The following CDH2 variants were observed in gnomAD, a reference collection of about 807,000 sequenced individuals.
CDH2 encodes the protein cadherin-2.
Under a neutral mutation model 92.0 loss-of-function variants are expected in CDH2, and 17 were observed. The observed-to-expected ratio is 0.18, with a 90% CI of 0.13 to 0.28. The LOEUF (loss-of-function observed/expected upper bound fraction) is 0.28, where lower values mean the gene tolerates loss of function less well. Ranked by LOEUF, CDH2 falls within the 10% of genes least tolerant of loss-of-function variation. The probability of loss-of-function intolerance (pLI) is 1.00; values close to 1 mark genes in which losing one functional copy is unlikely to be tolerated. For missense variants in CDH2, 862 were observed against 1,133.1 expected (o/e 0.76, Z 3.44); for synonymous variants, 419 against 415.9 (o/e 1.01, Z -0.09).
At chr18:28,052,348 G>C (rs2014208607) in intron 2 of CDH2, among the ~76,000 whole-genome samples, 1 of 152,060 alleles carries the variant, frequency 6.6e-6, no homozygotes, top group Admixed American at 6.6e-5. Context: ...ATTATTACTT[G>C]AATTTTAGTT....
intron 11 of CDH2, 25 bp downstream of exon 11, chr18:27,988,499 A>C: frequency 6.2e-7 from 1 of 1,603,754 alleles, no homozygotes; most frequent in African/African-American, 1.3e-5. Context: ...TTTCATCAAC[A>C]TACAAGAAAA....
chr18:28,073,357 C>A (rs191950600), intron 2 of CDH2, among the ~76,000 whole-genome samples: 4 of 152,200 alleles, frequency 2.6e-5, no homozygotes, highest in Admixed American at 2.6e-4. Context: ...GGTTCAAGTT[C>A]TAATGACATT....
At chr18:28,091,014 C>A (rs1008459094) in intron 2 of CDH2, among the ~76,000 whole-genome samples, 1 of 152,290 alleles carries the variant, frequency 6.6e-6, no homozygotes, top group Non-Finnish European at 1.5e-5. Context: ...GTCCTCCGGG[C>A]AGTTTACATT....
intron 2 of CDH2, among the ~76,000 whole-genome samples, chr18:28,125,233 T>C (rs879429337): frequency 3.9e-5 from 6 of 152,152 alleles, no homozygotes; most frequent in African/African-American, 7.2e-5. Flanking sequence ...AATTGAACCA[T>C]TGTAAGCCGG....
At chr18:28,170,257 A>C (rs919803920) in intron 1 of CDH2, among the ~76,000 whole-genome samples, 13 of 152,174 alleles carry the variant, frequency 8.5e-5, no homozygotes, top group African/African-American at 3.1e-4. Flanking sequence ...TATATTTCTC[A>C]GTTATAGCTT....
At chr18:27,965,116 A>C (rs936133192) in intron 14 of CDH2, among the ~76,000 whole-genome samples, 1 of 152,220 alleles carries the variant, frequency 6.6e-6, no homozygotes, top group Non-Finnish European at 1.5e-5. Flanking sequence ...AAACAGGTTG[A>C]GTAACTTGCC....
chr18:27,974,252 G>C (rs1340991482), intron 14 of CDH2, among the ~76,000 whole-genome samples: 1 of 152,094 alleles, frequency 6.6e-6, no homozygotes, highest in African/African-American at 2.4e-5. Context: ...TATCTATGAA[G>C]AATGGGCTGA....
At chr18:28,126,617 T>C (rs2015681376) in intron 2 of CDH2, among the ~76,000 whole-genome samples, 1 of 152,156 alleles carries the variant, frequency 6.6e-6, no homozygotes, top group African/African-American at 2.4e-5. Context: ...TAATCTCTCA[T>C]CTACAAATAA....
Position 28,156,664 on chromosome 18 carries a change from A to AATGTCACCTTCCCAGGTATAGC in CDH2, c.61-8881_61-8880insGCTATACCTGGGAAGGTGACAT, listed in dbSNP as rs1555647422. Among the ~76,000 whole-genome samples, 9 of 12,008 alleles carry AATGTCACCTTCCCAGGTATAGC rather than the reference A, an allele frequency of 7.5e-4. 1 individual carries two copies. The highest frequency in any genetic ancestry group is 0.071 in the Middle Eastern group (1 of 14). The allele number at this position is 12,008 out of a possible 152,430, so 7.9% of individuals were successfully genotyped here. A position where few individuals can be genotyped will look rare whatever the true frequency, so the allele number is the denominator to read the frequency against. The stretch of plus-strand genomic sequence containing the variant: ...CAGCATGTCACCTTCCCAGGTGCAG[A>AATGTCACCTTCCCAGGTATAGC]ATGTCACCTTCCCAGGTACAGCATG... On this transcript the variant is annotated intron_variant, in intron 1 of 15. Coordinates refer to ENST00000269141, the MANE Select transcript of CDH2 (RefSeq NM_001792.5).
chr18:27,966,386 C>T (rs553140586), intron 14 of CDH2, among the ~76,000 whole-genome samples: 4 of 152,230 alleles, frequency 2.6e-5, no homozygotes, highest in South Asian at 2.1e-4. Flanking sequence ...AGAGGAATTT[C>T]GTTCATATAA....
rs1384386097 is a variant in CDH2, at chr18:28,148,475, TCA to T, written c.61-693_61-692del. On this transcript the variant is annotated intron_variant, in intron 1 of 15. Transcript: ENST00000269141. ...TTAATTTACTCAGTGTGCTTAAAAC[TCA>T]GTCATACCTACTACTGTCTAGCTAA... is the stretch of plus-strand genomic sequence containing the variant. 8.5e-5 allele frequency among the ~76,000 whole-genome samples: 13 copies of T among 152,342 alleles called. No individual in the cohort carries two copies. In the East Asian group the frequency reaches 2.3e-3, roughly 27 times the overall value.
intron 1 of CDH2, among the ~76,000 whole-genome samples, chr18:28,176,082 C>T (rs1799697428): frequency 6.6e-6 from 1 of 152,190 alleles, no homozygotes; most frequent in African/African-American, 2.4e-5. Context: ...TGCGCCCGGA[C>T]TGGAGCAGGT....
downstream of CDH2, among the ~76,000 whole-genome samples, chr18:27,949,632 A>G (rs1909360864): frequency 6.6e-6 from 1 of 151,948 alleles, no homozygotes; most frequent in South Asian, 2.1e-4. Context: ...CATAAAAACA[A>G]AAGAAAATCA....
At chr18:28,097,091 A>G (rs2015147382) in intron 2 of CDH2, 1 of 152,196 alleles carries the variant, frequency 6.6e-6, no homozygotes, top group Non-Finnish European at 1.5e-5. Context: ...CTCTGCTTAG[A>G]GTCCCCCTGA....
intron 2 of CDH2, among the ~76,000 whole-genome samples, chr18:28,036,979 G>A (rs1346780708): frequency 2.0e-5 from 3 of 152,100 alleles, no homozygotes; most frequent in Admixed American, 2.0e-4. Flanking sequence ...AATCTGTTCA[G>A]TAAAAACATC....
rs540058260 is a variant in CDH2, at chr18:28,112,579, A to G, written c.172+35094T>C. 3.9e-5 allele frequency among the ~76,000 whole-genome samples: 6 copies of G among 152,326 alleles called. No individual in the cohort carries two copies. The South Asian group carries it at 1.2e-3, about 32-fold the overall frequency. ...GTTTTCTAAAAGAAAGTTTCTTAAA[A>G]CTACATTATAGTTCTCATGATCATC... On this transcript the variant is annotated intron_variant, in intron 2 of 15. Coordinates refer to ENST00000269141, the MANE Select transcript of CDH2 (RefSeq NM_001792.5).
chr18:28,084,317 C>T (rs1484109167), intron 2 of CDH2, among the ~76,000 whole-genome samples: 2 of 152,104 alleles, frequency 1.3e-5, no homozygotes, highest in Admixed American at 1.3e-4. Context: ...TTCCTTATTT[C>T]ATGTTATTGT....
intron 2 of CDH2, among the ~76,000 whole-genome samples, chr18:28,091,753 G>T (rs1245827356): frequency 2.0e-5 from 3 of 152,020 alleles, no homozygotes; most frequent in Non-Finnish European, 4.4e-5. Context: ...CAAAGAAAAT[G>T]GTAAACTTAT....
intron 14 of CDH2, among the ~76,000 whole-genome samples, chr18:27,973,394 T>C (rs2011722181): frequency 6.6e-6 from 1 of 152,216 alleles, no homozygotes; most frequent in Admixed American, 6.5e-5. Flanking sequence ...GATCCTGATC[T>C]AGAAGACTTT....
Sources: gnomAD v4.1 joint callset for allele counts (sites outside exome capture counted in the v4.1 genomes callset) on GRCh38, gnomAD v4.1.1 for gene constraint, MANE v1.5 for transcripts, NCBI Gene and HGNC (gene_info 2026-07-23, HGNC 2026-07-21) for gene names.